The following LTBP1 variants were observed in gnomAD, a reference collection of about 807,000 sequenced individuals.
The protein encoded by LTBP1 is latent transforming growth factor beta binding protein 1.
In LTBP1, 129 loss-of-function variants were observed where a neutral mutation model predicts 207.6. The observed-to-expected ratio is 0.62, with a 90% CI of 0.54 to 0.72. The LOEUF (loss-of-function observed/expected upper bound fraction) is 0.72. Among genes scored for constraint, LTBP1 ranks in the 30% least tolerant of loss-of-function variants. The pLI is 0.00. For missense variants in LTBP1, 2,281 were observed against 2,217.2 expected (o/e 1.03, Z -0.58); for synonymous variants, 963 against 833.7 (o/e 1.16, Z -2.67).
chr2:33,249,653 A>G (rs1373726586), intron 10 of LTBP1, among the ~76,000 whole-genome samples: 1 of 152,096 alleles, frequency 6.6e-6, no homozygotes, highest in African/African-American at 2.4e-5. Flanking sequence ...AGCCAAGAGC[A>G]AAAAAATTAC....
intron 8 of LTBP1, among the ~76,000 whole-genome samples, chr2:33,218,322 C>T (rs1573246543): frequency 6.6e-6 from 1 of 152,260 alleles, no homozygotes; most frequent in East Asian, 1.9e-4. Context: ...CTTTTTAATA[C>T]TCTATTCCTG....
intron 33 of LTBP1, 138 bp from the exon 34 acceptor site, chr2:33,398,226 G>A (rs80228027): frequency 2.9e-5 from 20 of 683,690 alleles, no homozygotes; most frequent in Non-Finnish European, 4.1e-5. Context: ...AGTCATCTTC[G>A]TCTTGTCTGT....
chr2:33,232,663 A>G (rs1216502898), intron 9 of LTBP1, among the ~76,000 whole-genome samples: 2 of 152,160 alleles, frequency 1.3e-5, no homozygotes, highest in South Asian at 2.1e-4. Context: ...ATAAACAACA[A>G]ATAGGTTTTT....
At chr2:32,995,849 A>T (rs2148910037) in intron 2 of LTBP1, among the ~76,000 whole-genome samples, 2 of 152,268 alleles carry the variant, frequency 1.3e-5, no homozygotes, top group East Asian at 3.9e-4. Flanking sequence ...TAAGAACATT[A>T]CATACATTAT....
intron 8 of LTBP1, among the ~76,000 whole-genome samples, chr2:33,221,202 G>C (rs1291835078): frequency 2.0e-5 from 3 of 152,096 alleles, no homozygotes; most frequent in South Asian, 2.1e-4. Context: ...TAGGCCCTGT[G>C]GTAGGCATTT....
intron 3 of LTBP1, among the ~76,000 whole-genome samples, chr2:33,045,209 A>T (rs911082055): frequency 1.3e-5 from 2 of 152,004 alleles, no homozygotes; most frequent in Non-Finnish European, 2.9e-5. Context: ...CCTGAATGGT[A>T]TTGCCTAGGT....
intron 3 of LTBP1, among the ~76,000 whole-genome samples, chr2:33,022,977 G>C (rs956621207): frequency 6.6e-5 from 10 of 152,128 alleles, no homozygotes; most frequent in Non-Finnish European, 1.5e-4. Flanking sequence ...CTGTGGGCTG[G>C]ATTTGGCCCA....
intron 2 of LTBP1, among the ~76,000 whole-genome samples, chr2:32,995,577 C>G (rs545097597): frequency 1.3e-5 from 2 of 152,154 alleles, no homozygotes; most frequent in East Asian, 1.9e-4. Context: ...GTCAGGAGAT[C>G]GAGACCATCC....
At chr2:33,283,933 A>G (rs772207472) in intron 19 of LTBP1, among the ~76,000 whole-genome samples, 5 of 152,184 alleles carry the variant, frequency 3.3e-5, no homozygotes, top group Non-Finnish European at 7.3e-5. Context: ...ACAATGTTTT[A>G]TATAACATTT....
At chr2:33,304,219 G>T (rs1471344854) in intron 22 of LTBP1, among the ~76,000 whole-genome samples, 2 of 152,072 alleles carry the variant, frequency 1.3e-5, no homozygotes, top group Admixed American at 1.3e-4. Context: ...TAGTGTACTG[G>T]GTTATAAATA....
chr2:33,036,721 G>T (rs1470316375), intron 3 of LTBP1, among the ~76,000 whole-genome samples: 1 of 152,300 alleles, frequency 6.6e-6, no homozygotes, highest in African/African-American at 2.4e-5. Flanking sequence ...TCTTCCCAAA[G>T]TGCTGGGATT....
chr2:33,229,099 A>G (rs745504840), intron 9 of LTBP1, among the ~76,000 whole-genome samples: 1 of 152,188 alleles, frequency 6.6e-6, no homozygotes, highest in Non-Finnish European at 1.5e-5. Context: ...CTAGCTAATT[A>G]GAAGTTATGC....
intron 24 of LTBP1, among the ~76,000 whole-genome samples, chr2:33,320,586 G>A (rs751629578): frequency 1.3e-5 from 2 of 152,096 alleles, no homozygotes; most frequent in Non-Finnish European, 2.9e-5. Context: ...TGTTCAAACT[G>A]GTCTTCTACT....
At chr2:33,094,423 A>C (rs1331388400) in intron 3 of LTBP1, among the ~76,000 whole-genome samples, 3 of 152,154 alleles carry the variant, frequency 2.0e-5, no homozygotes, top group African/African-American at 7.2e-5. Flanking sequence ...TAATTTTTTG[A>C]TGTTGCATAA....
At chr2:33,004,433 A>G (rs957442122) in intron 2 of LTBP1, among the ~76,000 whole-genome samples, 3 of 152,062 alleles carry the variant, frequency 2.0e-5, no homozygotes, top group Non-Finnish European at 2.9e-5. Flanking sequence ...TTATTGAGAT[A>G]TAATCCACAT....
intron 7 of LTBP1, among the ~76,000 whole-genome samples, chr2:33,215,003 G>T (rs1395740861): frequency 6.6e-6 from 1 of 151,948 alleles, no homozygotes; most frequent in Non-Finnish European, 1.5e-5. Flanking sequence ...TGGTACTTTC[G>T]AGAGGGCAAT....
chr2:33,324,377 GGTATGTAT>G lies in LTBP1; in HGVS notation c.3730+9129_3730+9136del, dbSNP rs753544732. 1.6e-3 allele frequency among the ~76,000 whole-genome samples: 241 copies of G among 150,912 alleles called. 1 individual carries two copies. Among genetic ancestry groups the G allele is most frequent in the African/African-American group, 5.2e-3 (213 of 41,092 alleles). ...AATTTATAAATTAAACTTTATCATA[GGTATGTAT>G]GTATGTATGTATGTATGTATATATA... On this transcript the variant is annotated intron_variant, in intron 24 of 33. Transcript: ENST00000404816.
At chr2:33,075,523 T>C (rs439973) in intron 3 of LTBP1, among the ~76,000 whole-genome samples, 135,660 of 152,208 alleles carry the variant, frequency 0.89, 62,291 homozygotes, top group East Asian at 1. Context: ...AAGAAATTGA[T>C]ATTATTCAGC....
chr2:33,391,879 A>G (rs1166935444), intron 32 of LTBP1, among the ~76,000 whole-genome samples: 3 of 152,212 alleles, frequency 2.0e-5, no homozygotes, highest in Non-Finnish European at 4.4e-5. Flanking sequence ...AACATAGGAA[A>G]TTGAGATGCA....
Sources: allele counts gnomAD v4.1 joint callset (sites outside exome capture counted in the v4.1 genomes callset), GRCh38; gene constraint gnomAD v4.1.1; transcripts MANE v1.5; gene names NCBI Gene and HGNC (gene_info 2026-07-23, HGNC 2026-07-21).